The following RUNX1 variants were observed in gnomAD, a reference collection of about 807,000 sequenced individuals.
The protein encoded by RUNX1 is RUNX family transcription factor 1.
A neutral mutation model predicts 42.8 loss-of-function variants in RUNX1; 19 were observed. The ratio of observed to expected loss-of-function variants is 0.44; its 90% CI spans 0.31 to 0.65. RUNX1 has a LOEUF of 0.65. Among genes scored for constraint, RUNX1 ranks in the 30% least tolerant of loss-of-function variants. The pLI is 0.07. For synonymous variants in RUNX1, 271 were observed against 289.4 expected (o/e 0.94, Z 0.64); for missense variants, 528 against 672.0 (o/e 0.79, Z 2.37).
At chr21:35,038,527 A>G in intron 2 of RUNX1, 1 of 454,902 alleles carries the variant, frequency 2.2e-6, no homozygotes, top group Non-Finnish European at 4.4e-6. Flanking sequence ...CATCCTGGGG[A>G]GAAGTCCCAA....
intron 7 of RUNX1, among the ~76,000 whole-genome samples, chr21:34,828,898 G>A (rs574237569): frequency 3.9e-5 from 6 of 152,244 alleles, no homozygotes; most frequent in South Asian, 2.1e-4. Context: ...ATATTACCCA[G>A]TCTATAATAT....
At chr21:35,024,498 G>C (rs889504457) in intron 2 of RUNX1, among the ~76,000 whole-genome samples, 5 of 152,168 alleles carry the variant, frequency 3.3e-5, no homozygotes, top group East Asian at 1.9e-4. Context: ...TTAGTAATCA[G>C]AGCATGTCTG....
chr21:34,815,035 AC>A (rs1339896981), intron 7 of RUNX1, among the ~76,000 whole-genome samples: 1 of 151,246 alleles, frequency 6.6e-6, no homozygotes, highest in African/African-American at 2.5e-5. Flanking sequence ...GAAATGAACA[AC>A]CTTTCCAAAA....
intron 2 of RUNX1, among the ~76,000 whole-genome samples, chr21:35,008,347 A>G (rs1479200227): frequency 1.3e-5 from 2 of 152,160 alleles, no homozygotes; most frequent in Non-Finnish European, 2.9e-5. Context: ...ATTTCTTCAC[A>G]TTCTGATCCT....
intron 2 of RUNX1, among the ~76,000 whole-genome samples, chr21:35,002,701 T>G (rs1049466991): frequency 6.6e-6 from 1 of 152,174 alleles, no homozygotes; most frequent in Non-Finnish European, 1.5e-5. Context: ...CTGCTGGGAT[T>G]ACAGGCGTGA....
chr21:35,041,982 A>C (rs1312491131), intron 2 of RUNX1, among the ~76,000 whole-genome samples: 2 of 152,120 alleles, frequency 1.3e-5, no homozygotes, highest in Non-Finnish European at 2.9e-5. Flanking sequence ...GAGAGTTTAA[A>C]AGAGTGAGGA....
At chr21:35,024,966 T>A (rs1388227808) in intron 2 of RUNX1, among the ~76,000 whole-genome samples, 1 of 152,234 alleles carries the variant, frequency 6.6e-6, no homozygotes, top group African/African-American at 2.4e-5. Flanking sequence ...ACCTGTCTTG[T>A]TCAAAAATGA....
At chr21:34,969,296 T>C (rs79216997) in intron 2 of RUNX1, among the ~76,000 whole-genome samples, 3,140 of 152,048 alleles carry the variant, frequency 0.021, 104 homozygotes, top group African/African-American at 0.071. Flanking sequence ...AGGGAGCAGG[T>C]GGAGGTGACT....
chr21:34,935,207 A>G (rs1421971514), intron 2 of RUNX1, among the ~76,000 whole-genome samples: 1 of 152,178 alleles, frequency 6.6e-6, no homozygotes, highest in Non-Finnish European at 1.5e-5. Context: ...GCCTGAAGAC[A>G]ACCGAGAAAT....
Position 34,788,093 on chromosome 21 carries a change from C to A in RUNX1, c.*4042G>T. The stretch of plus-strand genomic sequence containing the variant: ...TTCTCTCATGTCATCTGGCTGAAGA[C>A]ACCAGCTTGACAGTTCCCCTTTAAG... On this transcript the variant is annotated 3_prime_UTR_variant, in exon 9 of 9. Coordinates refer to ENST00000675419, the MANE Select transcript of RUNX1 (RefSeq NM_001754.5). The A allele has an allele frequency of 4.3e-6, 1 of 233,350 alleles. No individual in the cohort carries two copies. The highest frequency in any genetic ancestry group is 6.0e-5 in the East Asian group (1 of 16,586). The allele number at this position is 233,350 out of a possible 1,614,324, so 14.5% of individuals were successfully genotyped here.
At chr21:34,987,914 C>A (rs1431312399) in intron 2 of RUNX1, among the ~76,000 whole-genome samples, 1 of 152,188 alleles carries the variant, frequency 6.6e-6, no homozygotes, top group Non-Finnish European at 1.5e-5. Flanking sequence ...CAACTCCCAT[C>A]CCCAGGGCAC....
chr21:34,917,690 G>A (rs2146542483), intron 2 of RUNX1, among the ~76,000 whole-genome samples: 2 of 152,250 alleles, frequency 1.3e-5, no homozygotes, highest in Middle Eastern at 6.8e-3. Flanking sequence ...CTGGAACGTT[G>A]AGCCCTCATA....
intron 2 of RUNX1, among the ~76,000 whole-genome samples, chr21:34,911,220 A>G (rs942599118): frequency 4.6e-5 from 7 of 152,176 alleles, no homozygotes; most frequent in African/African-American, 1.7e-4. Context: ...CCAGGAGAAG[A>G]AGAGTAGGTG....
At chr21:34,820,421 G>A (rs180824629) in intron 7 of RUNX1, among the ~76,000 whole-genome samples, 7 of 152,164 alleles carry the variant, frequency 4.6e-5, no homozygotes, top group East Asian at 1.9e-4. Flanking sequence ...AGGCCGAGGC[G>A]GGCGGATCAC....
intron 2 of RUNX1, among the ~76,000 whole-genome samples, chr21:35,020,010 A>G (rs563738568): frequency 6.6e-6 from 1 of 152,328 alleles, no homozygotes; most frequent in East Asian, 1.9e-4. Context: ...TAGGCGGACC[A>G]GGATTCATCT....
chr21:34,996,434 A>T (rs952041454), intron 2 of RUNX1, among the ~76,000 whole-genome samples: 5 of 152,046 alleles, frequency 3.3e-5, no homozygotes, highest in South Asian at 2.1e-4. Context: ...GGCTGCAGGG[A>T]CGTCCTCCTG....
chr21:34,799,615 A>G (rs919802160), intron 7 of RUNX1, among the ~76,000 whole-genome samples, 153 bp from the exon 8 acceptor site: 3 of 152,152 alleles, frequency 2.0e-5, no homozygotes, highest in Non-Finnish European at 4.4e-5. Context: ...AAGTCCAAGT[A>G]TCTGCCTCTG....
At chr21:35,045,679 T>C (rs2059390909) in intron 2 of RUNX1, among the ~76,000 whole-genome samples, 1 of 152,164 alleles carries the variant, frequency 6.6e-6, no homozygotes, top group African/African-American at 2.4e-5. Context: ...TAAATTTCTG[T>C]GGCTTAAGCC....
intron 7 of RUNX1, among the ~76,000 whole-genome samples, chr21:34,802,418 G>A (rs1461993645): frequency 6.6e-6 from 1 of 152,254 alleles, no homozygotes; most frequent in Non-Finnish European, 1.5e-5. Context: ...CCAGGATCTT[G>A]TGATGCTTGG....
Sources: gnomAD v4.1 joint callset for allele counts (sites outside exome capture counted in the v4.1 genomes callset) on GRCh38, gnomAD v4.1.1 for gene constraint, MANE v1.5 for transcripts, NCBI Gene and HGNC (gene_info 2026-07-23, HGNC 2026-07-21) for gene names.